Variants in RNF169 observed in about 807,000 individuals in gnomAD.
The protein encoded by RNF169 is ring finger protein 169.
Under a neutral mutation model 53.9 loss-of-function variants are expected in RNF169, and 24 were observed. The observed-to-expected ratio is 0.45, with a 90% CI of 0.32 to 0.63. RNF169 has a LOEUF of 0.63. Ranked by LOEUF, RNF169 falls within the 20% of genes least tolerant of loss-of-function variation. The pLI, the probability that RNF169 is intolerant of heterozygous loss-of-function variation, is 0.04. For missense variants in RNF169, 883 were observed against 906.2 expected, an observed-to-expected ratio of 0.97 and a Z score of 0.33; for synonymous variants, 396 against 363.5, an observed-to-expected ratio of 1.09 and a Z score of -1.02.
intron 4 of RNF169, chr11:74,830,851 TGC>T (rs1257716161): frequency 3.9e-5 from 6 of 152,146 alleles, no homozygotes; most frequent in Non-Finnish European, 7.4e-5. Context: ...ATTCCAAGAA[TGC>T]AAAGGTGTTT....
chr11:74,815,239 T>G (rs1465480184), intron 3 of RNF169, among the ~76,000 whole-genome samples: 1 of 152,182 alleles, frequency 6.6e-6, no homozygotes, highest in Non-Finnish European at 1.5e-5. Context: ...ATATTTGTAA[T>G]GTAGTTTATT....
intron 4 of RNF169, among the ~76,000 whole-genome samples, chr11:74,818,578 G>A (rs2035969759): frequency 1.3e-5 from 2 of 152,010 alleles, no homozygotes; most frequent in South Asian, 4.2e-4. Flanking sequence ...GTTTTTTGTA[G>A]AGACGAGGTC....
At position 74,777,641 on chromosome 11, in the gene RNF169, G is replaced by A. The variant is rs191451356; in HGVS notation, c.503-11985G>A. Among the ~76,000 whole-genome samples, 6 of 138,274 alleles carry A rather than the reference G, an allele frequency of 4.3e-5. No homozygotes were observed. In the East Asian group the frequency reaches 1.2e-3, roughly 28 times the overall value. 90.7% of individuals were successfully genotyped at this position (138,274 alleles called of 152,430 possible). ...TGCTTTTGCAAATCCTGTTGGTCTC[G>A]GTTGTCTTAAATTTTTTTTTTTTTG... On this transcript the variant is annotated intron_variant, in intron 1 of 5. Coordinates refer to ENST00000299563, the MANE Select transcript of RNF169 (RefSeq NM_001098638.2).
In RNF169 at chr11:74,748,939, G is replaced by A. The variant is rs2034836764; in HGVS notation, c.59G>A (p.Ser20Asn). Reference sequence around the variant, plus strand: ...TCCGCGGCGGCAGCAGCCGCTCTGAGTCGGCGGGGCCGGCGGGGCCGCTGT... The same window carrying A: ...TCCGCGGCGGCAGCAGCCGCTCTGAATCGGCGGGGCCGGCGGGGCCGCTGT... ...ASSAAAAAAL[S>N]RRGRRGRCDE... The change falls in exon 1 of 6, where the codon AGT becomes AAT. Residue 20 changes from serine to asparagine, a missense_variant. Physicochemically the swap from Ser to Asn is conservative, Grantham distance 46. Transcript: ENST00000299563. 6.8e-7 allele frequency: 1 copy of A among 1,472,428 alleles called. No homozygotes were observed. The highest frequency in any genetic ancestry group is 1.3e-5 in the South Asian group (1 of 76,564). The allele number at this position is 1,472,428 out of a possible 1,614,324, so 91.2% of individuals were successfully genotyped here. A position where few individuals can be genotyped will look rare whatever the true frequency, so the allele number is the denominator to read the frequency against.
intron 1 of RNF169, among the ~76,000 whole-genome samples, chr11:74,753,838 G>C (rs746433226): frequency 4.6e-5 from 7 of 151,942 alleles, no homozygotes; most frequent in African/African-American, 7.3e-5. Context: ...TTTGTTCTTT[G>C]CCTGCTTTTT....
At chr11:74,769,605 T>G (rs1213394135) in intron 1 of RNF169, among the ~76,000 whole-genome samples, 3 of 152,202 alleles carry the variant, frequency 2.0e-5, no homozygotes, top group Non-Finnish European at 4.4e-5. Flanking sequence ...TAAATTAGTT[T>G]CTACAGCTGT....
chr11:74,797,471 CT>C (rs1434124875), intron 2 of RNF169, among the ~76,000 whole-genome samples: 20 of 152,140 alleles, frequency 1.3e-4, no homozygotes, highest in African/African-American at 4.8e-4. Flanking sequence ...TTTTTAAAAG[CT>C]TTTTCTTATT....
chr11:74,827,029 C>T (rs546030831), intron 4 of RNF169, among the ~76,000 whole-genome samples: 92 of 152,332 alleles, frequency 6.0e-4, no homozygotes, highest in African/African-American at 2.0e-3. Context: ...GGCAGTGCCC[C>T]AATGGGGACT....
At chr11:74,814,056 C>T (rs374497693) in intron 3 of RNF169, among the ~76,000 whole-genome samples, 1 of 151,956 alleles carries the variant, frequency 6.6e-6, no homozygotes, top group Non-Finnish European at 1.5e-5. Flanking sequence ...CGTGGTGGCT[C>T]ACACCCGTAA....
At chr11:74,751,077 G>A (rs1262147112) in intron 1 of RNF169, among the ~76,000 whole-genome samples, 1 of 151,788 alleles carries the variant, frequency 6.6e-6, no homozygotes, top group Non-Finnish European at 1.5e-5. Flanking sequence ...CGCCATGTTG[G>A]CCAGACTGGT....
chr11:74,821,182 C>T (rs761249363), intron 4 of RNF169, among the ~76,000 whole-genome samples: 1 of 152,190 alleles, frequency 6.6e-6, no homozygotes, highest in Non-Finnish European at 1.5e-5. Context: ...GGCTGCTCTC[C>T]TTCCATTTTT....
intron 2 of RNF169, among the ~76,000 whole-genome samples, chr11:74,801,187 C>G (rs866553959): frequency 2.0e-5 from 3 of 152,262 alleles, no homozygotes; most frequent in African/African-American, 7.2e-5. Context: ...AAGTCAGATG[C>G]TTTGGTGCTA....
intron 4 of RNF169, chr11:74,830,635 C>A (rs2036164363): frequency 6.6e-6 from 1 of 151,644 alleles, no homozygotes; most frequent in South Asian, 2.1e-4. Flanking sequence ...TAATGTGAAT[C>A]CTCACACTCT....
chr11:74,800,085 T>C (rs1322840298), intron 2 of RNF169, among the ~76,000 whole-genome samples: 2 of 150,748 alleles, frequency 1.3e-5, no homozygotes, highest in Non-Finnish European at 3.0e-5. Context: ...TTTCCCTAAA[T>C]CCAAAACCAT....
At position 74,836,580 on chromosome 11, in the gene RNF169, G is replaced by T; in HGVS notation, c.1977G>T (p.Met659Ile). The change falls in exon 6 of 6, where the codon ATG becomes ATT. Residue 659 changes from methionine (M) to isoleucine (I), a missense_variant. Physicochemically the swap from Met to Ile is conservative, Grantham distance 10. Around this residue, in one of 3 missense-constraint regions of RNF169, gnomAD observed 351 missense variants for 337.3 expected, o/e 1.04. Transcript: ENST00000299563. Reference sequence around the variant, plus strand: ...CAACAGACCCAGTCCTGCGAGAGATGGAGCAGAAGCTTCAGCAAGAGGAAG... The same window carrying T: ...CAACAGACCCAGTCCTGCGAGAGATTGAGCAGAAGCTTCAGCAAGAGGAAG... The part of the protein sequence containing the change: ...LAPTDPVLRE[M>I]EQKLQQEEED... The T allele has an allele frequency of 6.2e-7, 1 of 1,614,150 alleles. No individual in the cohort carries two copies. Among genetic ancestry groups the T allele is most frequent in the South Asian group, 1.1e-5 (1 of 91,074 alleles).
rs2034833651 is a variant in RNF169 at position 74,748,867 on chromosome 11, A to G, written c.-14A>G. 1.4e-6 allele frequency: 2 copies of G among 1,402,198 alleles called. No homozygotes were observed. Among genetic ancestry groups the G allele is most frequent in the South Asian group, 1.6e-5 (1 of 62,184 alleles). The allele number at this position is 1,402,198 out of a possible 1,614,324, so 86.9% of individuals were successfully genotyped here. A position where few individuals can be genotyped will look rare whatever the true frequency, so the allele number is the denominator to read the frequency against. ...CTCCCTCGCAACCGACTCTCCCTTC[A>G]AACGGGAAACAAGATGGCGGCTGCA... On this transcript the variant is annotated 5_prime_UTR_variant, in exon 1 of 6. Transcript: ENST00000299563.
At chr11:74,775,736 G>A (rs1406452021) in intron 1 of RNF169, among the ~76,000 whole-genome samples, 2 of 152,106 alleles carry the variant, frequency 1.3e-5, no homozygotes, top group Non-Finnish European at 2.9e-5. Context: ...TCACTCAAAT[G>A]TGAGTTGATT....
chr11:74,815,706 C>G lies in RNF169; in HGVS notation c.724-1890C>G, dbSNP rs1190083758. On this transcript the variant is annotated intron_variant, in intron 3 of 5. Transcript: ENST00000299563. Reference sequence around the variant, plus strand: ...ACGCTAGGTATTTTTAATGGCCTGTCACAATCTATATAGTAGAGTAGTCTT... The same window carrying G: ...ACGCTAGGTATTTTTAATGGCCTGTGACAATCTATATAGTAGAGTAGTCTT... Among the ~76,000 whole-genome samples, 6 of 152,072 alleles carry G rather than the reference C, an allele frequency of 3.9e-5. No individual in the cohort carries two copies. The South Asian group carries it at 6.2e-4, about 16-fold the overall frequency.
intron 1 of RNF169, among the ~76,000 whole-genome samples, chr11:74,772,475 T>G (rs1433246737): frequency 9.6e-4 from 31 of 32,138 alleles, no homozygotes; most frequent in African/African-American, 5.2e-3. Flanking sequence ...GATGCTGGTT[T>G]TTTTTTTTTT....
Sources: allele counts gnomAD v4.1 joint callset (sites outside exome capture counted in the v4.1 genomes callset), GRCh38; gene constraint gnomAD v4.1.1; regional missense constraint gnomAD v4.1.1; transcripts MANE v1.5; gene names NCBI Gene and HGNC (gene_info 2026-07-23, HGNC 2026-07-21).